Variants in TDRD5 observed in about 807,000 individuals in gnomAD.
The protein encoded by TDRD5 is tudor domain-containing protein 5.
Under a neutral mutation model 120.6 loss-of-function variants are expected in TDRD5, and 41 were observed. The ratio of observed to expected loss-of-function variants is 0.34; its 90% CI spans 0.26 to 0.44. The LOEUF is 0.44. Ranked by LOEUF, TDRD5 falls within the 20% of genes least tolerant of loss-of-function variation. TDRD5 has a pLI of 1.00. For synonymous variants in TDRD5, 430 were observed against 433.7 expected (o/e 0.99, Z 0.11); for missense variants, 1,006 against 1,221.2 (o/e 0.82, Z 2.63).
At chr1:179,664,787 G>T (rs1009138570) in intron 16 of TDRD5, among the ~76,000 whole-genome samples, 1 of 152,092 alleles carries the variant, frequency 6.6e-6, no homozygotes, top group African/African-American at 2.4e-5. Context: ...CTGTGAACAT[G>T]TTTTAGTTTT....
chr1:179,593,659 G>A lies in TDRD5; in HGVS notation c.432G>A (p.Ala144=), dbSNP rs369571297. The A allele has an allele frequency of 4.3e-6, 7 of 1,614,224 alleles. No homozygotes were observed. Among genetic ancestry groups the A allele is most frequent in the South Asian group, 3.3e-5 (3 of 91,086 alleles). ...VVKSELKDLL[A]LSPVLLSDFE... ...AGAGTGAGTTGAAGGACCTGTTGGC[G>A]TTATCTCCTGTTCTTCTTTCTGATT... Residue 144 remains alanine, a synonymous_variant, in exon 3 of 18, where the codon GCG becomes GCA. Coordinates refer to ENST00000444136, the MANE Select transcript of TDRD5 (RefSeq NM_001199085.3).
At chr1:179,677,300 T>C (rs1680188987) in intron 17 of TDRD5, among the ~76,000 whole-genome samples, 1 of 152,188 alleles carries the variant, frequency 6.6e-6, no homozygotes, top group Non-Finnish European at 1.5e-5. Flanking sequence ...CACCTTTCTC[T>C]GGTGCCTCCT....
At position 179,654,367 on chromosome 1, in the gene TDRD5, G is replaced by A; in HGVS notation, c.2322+5G>A. 6.6e-7 allele frequency: 1 copy of A among 1,523,496 alleles called. No individual in the cohort carries two copies. The highest frequency in any genetic ancestry group is 8.8e-7 in the Non-Finnish European group (1 of 1,133,488). 94.4% of individuals were successfully genotyped at this position (1,523,496 alleles called of 1,614,324 possible). ...GATCTGAAGGAAGAAAATGAGGTAGGAGAAGGAAAGATAGTCTTTGAATAT... is the reference window on the plus strand; with the variant it reads ...GATCTGAAGGAAGAAAATGAGGTAGAAGAAGGAAAGATAGTCTTTGAATAT... On this transcript the variant is annotated splice_donor_5th_base_variant and intron_variant, in intron 14 of 17. Transcript: ENST00000444136.
At chr1:179,663,559 A>C in intron 16 of TDRD5, 68 bp downstream of exon 16, 1 of 1,516,046 alleles carries the variant, frequency 6.6e-7, no homozygotes. Context: ...TAGAAAGCAA[A>C]ATTGTCTCAA....
chr1:179,598,167 G>A (rs1558368499), intron 4 of TDRD5, among the ~76,000 whole-genome samples: 1 of 152,096 alleles, frequency 6.6e-6, no homozygotes, highest in Non-Finnish European at 1.5e-5. Flanking sequence ...GTAACACAAC[G>A]GGGTATTTGT....
At chr1:179,643,644 A>G (rs931256089) in intron 11 of TDRD5, among the ~76,000 whole-genome samples, 29 of 152,308 alleles carry the variant, frequency 1.9e-4, no homozygotes, top group African/African-American at 5.3e-4. Context: ...GAATTATCCA[A>G]TGTGAAGAAG....
intron 11 of TDRD5, among the ~76,000 whole-genome samples, chr1:179,641,326 T>G (rs1365445642): frequency 6.6e-6 from 1 of 152,086 alleles, no homozygotes; most frequent in African/African-American, 2.4e-5. Context: ...GGTCAGGAAT[T>G]CAAGACCAGC....
intron 6 of TDRD5, among the ~76,000 whole-genome samples, chr1:179,623,625 CTTTTTTTTTTT>C (rs11428251): frequency 3.1e-5 from 3 of 97,898 alleles, no homozygotes; most frequent in South Asian, 4.3e-4. Context: ...CCAACTCATT[CTTTTTTTTTTT>C]TTTTTTTTTT....
rs187052811 is a variant in TDRD5, at chr1:179,676,313, C to T, written c.2860+6909C>T. ...GTGAATTCTTATCCATTCTGCAGTT[C>T]TGTATCTTTTAAGTGGAGCATTGAG... On this transcript the variant is annotated intron_variant, in intron 17 of 17. Transcript: ENST00000444136. 1.7e-4 allele frequency among the ~76,000 whole-genome samples: 26 copies of T among 152,306 alleles called. No individual in the cohort carries two copies. In the East Asian group the frequency reaches 4.6e-3, roughly 27 times the overall value.
rs142951545 is a variant in TDRD5 at position 179,630,768 on chromosome 1, T to C, written c.974T>C (p.Val325Ala). 77 of 1,612,608 alleles carry C rather than the reference T, an allele frequency of 4.8e-5. No individual in the cohort carries two copies. Among genetic ancestry groups the C allele is most frequent in the Middle Eastern group, 1.6e-4 (1 of 6,072 alleles). Reference sequence around the variant, plus strand: ...GTAATTTCTATTTTCTTGTGACAGGTAATTTTTAAAGAGCAACTATCACCA... The same window carrying C: ...GTAATTTCTATTTTCTTGTGACAGGCAATTTTTAAAGAGCAACTATCACCA... ...FISKLLGEYE[V>A]IFKEQLSPKK... The change falls in exon 7 of 18, where the codon GTA becomes GCA. Residue 325 changes from valine (V) to alanine (A), a missense_variant and splice_region_variant. By Grantham distance (64) the Val-to-Ala change is moderately conservative. Coordinates refer to ENST00000444136, the MANE Select transcript of TDRD5 (RefSeq NM_001199085.3).
intron 6 of TDRD5, among the ~76,000 whole-genome samples, chr1:179,628,012 G>A (rs964932974): frequency 2.0e-5 from 3 of 152,096 alleles, no homozygotes; most frequent in African/African-American, 7.2e-5. Context: ...CCAAAAAAGA[G>A]ACAACCAGAT....
intron 7 of TDRD5, among the ~76,000 whole-genome samples, chr1:179,634,183 A>AC (rs1239200488): frequency 2.0e-5 from 3 of 151,570 alleles, no homozygotes; most frequent in Non-Finnish European, 2.9e-5. Context: ...AAAACAAAAA[A>AC]ACAAAAAAAA....
At chr1:179,627,292 CAT>C (rs1677182490) in intron 6 of TDRD5, among the ~76,000 whole-genome samples, 1 of 152,018 alleles carries the variant, frequency 6.6e-6, no homozygotes, top group Admixed American at 6.6e-5. Flanking sequence ...ACTAGAGAGA[CAT>C]TGATAAAAGG....
At chr1:179,665,684 T>C (rs1399569465) in intron 16 of TDRD5, among the ~76,000 whole-genome samples, 1 of 152,336 alleles carries the variant, frequency 6.6e-6, no homozygotes, top group Non-Finnish European at 1.5e-5. Flanking sequence ...AAACTTTTTC[T>C]GTCATGTAGT....
chr1:179,642,261 C>T (rs1462410845), intron 11 of TDRD5, among the ~76,000 whole-genome samples: 11 of 151,898 alleles, frequency 7.2e-5, no homozygotes, highest in Admixed American at 1.3e-4. Context: ...CCACCATGCC[C>T]GGCTAATTTT....
At chr1:179,682,769 G>A (rs1398031943) in intron 17 of TDRD5, among the ~76,000 whole-genome samples, 3 of 151,656 alleles carry the variant, frequency 2.0e-5, no homozygotes, top group African/African-American at 7.3e-5. Flanking sequence ...GTTTGGCTCT[G>A]CTATTTAGGC....
chr1:179,593,883 A>T lies in TDRD5; in HGVS notation c.640+16A>T, dbSNP rs962859728. 1.9e-6 allele frequency: 3 copies of T among 1,606,488 alleles called. No homozygotes were observed. Among genetic ancestry groups the T allele is most frequent in the African/African-American group, 2.7e-5 (2 of 74,680 alleles). On this transcript the variant is annotated intron_variant, in intron 3 of 17. Transcript: ENST00000444136. ...TGTCCAGCAGGTACGCATGTGAGCA[A>T]ATGTTGGAGCAGTCATGGCACATAG...
intron 12 of TDRD5, 36 bp downstream of exon 12, chr1:179,651,103 G>A (rs1298882608): frequency 6.2e-7 from 1 of 1,606,004 alleles, no homozygotes; most frequent in South Asian, 1.1e-5. Flanking sequence ...AATATATTTT[G>A]TTTAATTTCA....
At position 179,691,223 on chromosome 1, in the gene TDRD5, TG is replaced by T. The variant is rs775863829; in HGVS notation, c.*281del. 7.4e-6 allele frequency: 2 copies of T among 270,468 alleles called. No homozygotes were observed. The highest frequency in any genetic ancestry group is 7.0e-6 in the Non-Finnish European group (1 of 142,772). The allele number at this position is 270,468 out of a possible 1,614,324, so 16.8% of individuals were successfully genotyped here. On this transcript the variant is annotated 3_prime_UTR_variant, in exon 18 of 18. Coordinates refer to ENST00000444136, the MANE Select transcript of TDRD5 (RefSeq NM_001199085.3). Reference sequence around the variant, plus strand: ...TTAAAGGAATTTGTTTTTTTGTGTTTGTTTTTCTTGTACATTATCATGACTG... The same window carrying T: ...TTAAAGGAATTTGTTTTTTTGTGTTTTTTTTCTTGTACATTATCATGACTG...
Sources: allele counts gnomAD v4.1 joint callset (sites outside exome capture counted in the v4.1 genomes callset), GRCh38; gene constraint gnomAD v4.1.1; transcripts MANE v1.5; gene names NCBI Gene and HGNC (gene_info 2026-07-23, HGNC 2026-07-21).